ADGRB3: variants seen among roughly 807,000 people sequenced by gnomAD.
The protein encoded by ADGRB3 is brain-specific angiogenesis inhibitor 3.
A neutral mutation model predicts 193.4 loss-of-function variants in ADGRB3; 37 were observed. The ratio of observed to expected loss-of-function variants is 0.19; its 90% CI spans 0.15 to 0.25. ADGRB3 has a LOEUF of 0.25. Among genes scored for constraint, ADGRB3 ranks in the 10% least tolerant of loss-of-function variants. ADGRB3 has a pLI of 1.00. For missense variants in ADGRB3, 1,637 were observed against 1,852.9 expected (o/e 0.88, Z 2.14); for synonymous variants, 690 against 644.2 (o/e 1.07, Z -1.08).
chr6:68,675,120 T>G (rs1582115296), intron 3 of ADGRB3, among the ~76,000 whole-genome samples: 1 of 152,238 alleles, frequency 6.6e-6, no homozygotes, highest in African/African-American at 2.4e-5. Context: ...GTGGATGGTG[T>G]TGTCAGGAAA....
intron 20 of ADGRB3, among the ~76,000 whole-genome samples, chr6:69,305,815 A>G (rs1364699083): frequency 6.6e-6 from 1 of 151,432 alleles, no homozygotes; most frequent in East Asian, 1.9e-4. Context: ...AGTGCAATCA[A>G]TCTTCCATAT....
At chr6:68,789,154 A>G (rs1181808949) in intron 3 of ADGRB3, among the ~76,000 whole-genome samples, 2 of 152,006 alleles carry the variant, frequency 1.3e-5, no homozygotes, top group Admixed American at 6.6e-5. Flanking sequence ...GCCCATTTAC[A>G]TTTAAAGTTA....
intron 3 of ADGRB3, among the ~76,000 whole-genome samples, chr6:68,802,706 GT>G (rs1265854505): frequency 2.6e-5 from 4 of 151,848 alleles, no homozygotes; most frequent in East Asian, 3.9e-4. Context: ...ATTGTGTTAA[GT>G]TTTTAGAACT....
intron 26 of ADGRB3, among the ~76,000 whole-genome samples, chr6:69,342,392 A>G (rs1768993977): frequency 6.6e-6 from 1 of 152,126 alleles, no homozygotes; most frequent in African/African-American, 2.4e-5. Flanking sequence ...ACATTACTGT[A>G]AATACACAGA....
At chr6:68,875,462 A>C (rs1032733838) in intron 3 of ADGRB3, among the ~76,000 whole-genome samples, 1 of 151,822 alleles carries the variant, frequency 6.6e-6, no homozygotes, top group Non-Finnish European at 1.5e-5. Context: ...TGTGATCTTA[A>C]GATCACATCT....
intron 17 of ADGRB3, among the ~76,000 whole-genome samples, chr6:69,179,188 A>G (rs1278554729): frequency 1.3e-5 from 2 of 152,188 alleles, no homozygotes; most frequent in Admixed American, 1.3e-4. Flanking sequence ...ATTTTTAAAA[A>G]AATTATTTTC....
chr6:68,842,624 T>A (rs1466897822), intron 3 of ADGRB3, among the ~76,000 whole-genome samples: 1 of 151,924 alleles, frequency 6.6e-6, no homozygotes, highest in East Asian at 1.9e-4. Flanking sequence ...CTCAAACTAG[T>A]TTTGCAAAAT....
At chr6:68,816,832 A>T (rs1767639185) in intron 3 of ADGRB3, among the ~76,000 whole-genome samples, 1 of 152,106 alleles carries the variant, frequency 6.6e-6, no homozygotes, top group Non-Finnish European at 1.5e-5. Context: ...TGCTTTTAAA[A>T]TTCCTTTTAA....
At chr6:68,758,409 T>C (rs1198862879) in intron 3 of ADGRB3, among the ~76,000 whole-genome samples, 2 of 152,124 alleles carry the variant, frequency 1.3e-5, no homozygotes, top group African/African-American at 4.8e-5. Context: ...TTCTACCTCA[T>C]CTGTTTCCAT....
intron 10 of ADGRB3, among the ~76,000 whole-genome samples, chr6:68,987,085 C>T (rs1769099435): frequency 6.6e-6 from 1 of 152,066 alleles, no homozygotes; most frequent in Admixed American, 6.6e-5. Context: ...ATGAATGACA[C>T]AGAAACTTTT....
At chr6:69,167,420 A>C (rs892291960) in intron 17 of ADGRB3, among the ~76,000 whole-genome samples, 4 of 152,130 alleles carry the variant, frequency 2.6e-5, no homozygotes, top group Non-Finnish European at 5.9e-5. Flanking sequence ...ATGGAAAAAA[A>C]CTGTCTCTTC....
chr6:68,982,443 C>G (rs1008780856), intron 10 of ADGRB3, among the ~76,000 whole-genome samples: 2 of 152,148 alleles, frequency 1.3e-5, no homozygotes, highest in African/African-American at 2.4e-5. Context: ...GGCTGCCTTT[C>G]TCCATGATGT....
At chr6:68,748,191 C>A (rs1010773076) in intron 3 of ADGRB3, among the ~76,000 whole-genome samples, 1 of 152,100 alleles carries the variant, frequency 6.6e-6, no homozygotes, top group African/African-American at 2.4e-5. Context: ...CTCTAAATCT[C>A]ATGTCCTCAC....
intron 20 of ADGRB3, among the ~76,000 whole-genome samples, chr6:69,240,905 T>A (rs976003977): frequency 1.3e-5 from 2 of 151,982 alleles, no homozygotes; most frequent in East Asian, 3.9e-4. Flanking sequence ...AATTATTTAT[T>A]GGGATCAGGA....
chr6:68,639,330 G>A lies in ADGRB3; in HGVS notation c.655G>A (p.Val219Met). 1 of 1,614,092 alleles carries A rather than the reference G, an allele frequency of 6.2e-7. No homozygotes were observed. The highest frequency in any genetic ancestry group is 1.6e-4 in the Middle Eastern group (1 of 6,062). Residue 219 changes from valine (V) to methionine (M), a missense_variant, in exon 3 of 32, where the codon GTG (valine) becomes ATG (methionine). Transcript: ENST00000370598. ...DQSLILLNNV[V>M]LPLNEQTEGC... is the part of the protein sequence containing the mutation. ...GTCGCTGATTTTGTTAAATAACGTGGTGTTACCCCTGAATGAGCAGACAGA... is the reference window on the plus strand; with the variant it reads ...GTCGCTGATTTTGTTAAATAACGTGATGTTACCCCTGAATGAGCAGACAGA...
rs199604707 is a variant in ADGRB3, at chr6:68,759,974, G to C, written c.757+120542G>C. ...TTTGAAGTTATTTTAGTTCAGTTTG[G>C]GTATGATACTATATTTTTGGTTTTA... On this transcript the variant is annotated intron_variant, in intron 3 of 31. Coordinates refer to ENST00000370598, the MANE Select transcript of ADGRB3 (RefSeq NM_001704.3). Among the ~76,000 whole-genome samples, 8 of 151,912 alleles carry C rather than the reference G, an allele frequency of 5.3e-5. No homozygotes were observed. In the East Asian group the frequency reaches 1.5e-3, roughly 29 times the overall value.
chr6:68,843,160 A>G (rs1464867547), intron 3 of ADGRB3, among the ~76,000 whole-genome samples: 1 of 152,026 alleles, frequency 6.6e-6, no homozygotes, highest in African/African-American at 2.4e-5. Flanking sequence ...CATTCAATAT[A>G]GTACTGGAAG....
At chr6:68,807,364 G>A (rs1315704899) in intron 3 of ADGRB3, among the ~76,000 whole-genome samples, 3 of 146,642 alleles carry the variant, frequency 2.0e-5, no homozygotes, top group African/African-American at 7.6e-5. Context: ...TCAGCCTCCC[G>A]AGTAGCTGGG....
intron 17 of ADGRB3, among the ~76,000 whole-genome samples, chr6:69,145,382 A>G (rs1774460702): frequency 2.0e-5 from 3 of 152,262 alleles, no homozygotes; most frequent in Non-Finnish European, 4.4e-5. Flanking sequence ...ATGTGGTGGC[A>G]CCTGGAAGCT....
Sources: gnomAD v4.1 joint callset for allele counts (sites outside exome capture counted in the v4.1 genomes callset) on GRCh38, gnomAD v4.1.1 for gene constraint, MANE v1.5 for transcripts, NCBI Gene and HGNC (gene_info 2026-07-23, HGNC 2026-07-21) for gene names.